The following PLXDC2 variants were observed in gnomAD, a reference collection of about 807,000 sequenced individuals.
PLXDC2 encodes the protein plexin domain-containing protein 2.
PLXDC2 carries 40 observed loss-of-function variants against 68.9 expected under a neutral mutation model. The ratio of observed to expected loss-of-function variants is 0.58; its 90% confidence interval spans 0.45 to 0.76. The LOEUF is 0.76. Among genes scored for constraint, PLXDC2 ranks in the 30% least tolerant of loss-of-function variants. The pLI is 0.00. For missense variants in PLXDC2, 644 were observed against 661.9 expected (o/e 0.97, Z 0.30); for synonymous variants, 243 against 234.2 (o/e 1.04, Z -0.34).
At position 20,126,526 on chromosome 10, in the gene PLXDC2, T is replaced by C. The variant is rs185258147; in HGVS notation, c.542-16769T>C. On this transcript the variant is annotated intron_variant, in intron 4 of 13. Transcript: ENST00000377252. ...GTATATATAACACACACGTTATATA[T>C]GTATATATAACACACACGTTATATA... 1.1e-3 allele frequency among the ~76,000 whole-genome samples: 8 copies of C among 7,370 alleles called. 1 individual carries two copies. Among genetic ancestry groups the C allele is most frequent in the African/African-American group, 2.9e-3 (7 of 2,424 alleles). 4.8% of individuals were successfully genotyped at this position (7,370 alleles called of 152,430 possible).
chr10:20,039,525 A>T (rs951084089), intron 2 of PLXDC2, among the ~76,000 whole-genome samples: 3 of 152,182 alleles, frequency 2.0e-5, no homozygotes, highest in Non-Finnish European at 4.4e-5. Context: ...GATCTATAGT[A>T]TGTTAAAGGA....
chr10:20,274,363 A>T (rs571846183), intron 13 of PLXDC2, among the ~76,000 whole-genome samples: 2 of 152,328 alleles, frequency 1.3e-5, no homozygotes, highest in South Asian at 4.1e-4. Context: ...GTATGTTTTT[A>T]TGTTAACCCT....
chr10:20,230,710 A>AAAAC (rs1564361143), intron 12 of PLXDC2, among the ~76,000 whole-genome samples: 1 of 149,702 alleles, frequency 6.7e-6, no homozygotes, highest in African/African-American at 2.4e-5. Context: ...AAAAAAAAAA[A>AAAAC]AAAACAGGAA....
At chr10:20,189,127 CT>C (rs1834725518) in intron 9 of PLXDC2, among the ~76,000 whole-genome samples, 1 of 76,290 alleles carries the variant, frequency 1.3e-5, no homozygotes, top group South Asian at 3.1e-4. Context: ...TTTTTACCTC[CT>C]TTTAAGCCTT....
chr10:19,964,769 C>T (rs1348294412), intron 1 of PLXDC2, among the ~76,000 whole-genome samples: 1 of 152,096 alleles, frequency 6.6e-6, no homozygotes, highest in Non-Finnish European at 1.5e-5. Context: ...ATCTCCTAAC[C>T]TTAGCAGAGT....
intron 3 of PLXDC2, among the ~76,000 whole-genome samples, chr10:20,060,908 G>A (rs563492307): frequency 1.3e-3 from 201 of 152,276 alleles, no homozygotes; most frequent in Non-Finnish European, 2.5e-3. Context: ...CAAGATGCAG[G>A]ATTTTGGAGC....
chr10:20,062,501 G>A (rs942996682), intron 3 of PLXDC2, among the ~76,000 whole-genome samples: 3 of 152,058 alleles, frequency 2.0e-5, no homozygotes, highest in African/African-American at 4.8e-5. Flanking sequence ...CAGTTACTAA[G>A]TACCAAAGCT....
intron 1 of PLXDC2, among the ~76,000 whole-genome samples, chr10:19,818,816 T>C (rs898451518): frequency 1.3e-5 from 2 of 152,158 alleles, no homozygotes; most frequent in African/African-American, 2.4e-5. Context: ...ATTCACGGTA[T>C]GAATAGATGC....
chr10:20,067,408 G>A lies in PLXDC2; in HGVS notation c.472-762G>A, dbSNP rs925134146. ...ACATGAAAATGTCTGCAGGTCAGCC[G>A]GGCATGGTGGCTCACGCCTGTAATC... On this transcript the variant is annotated intron_variant, in intron 3 of 13. Transcript: ENST00000377252. Among the ~76,000 whole-genome samples, 7 of 152,090 alleles carry A rather than the reference G, an allele frequency of 4.6e-5. 1 individual carries two copies. The highest frequency in any genetic ancestry group is 9.7e-5 in the African/African-American group (4 of 41,426).
chr10:19,841,890 T>C (rs920315167), intron 1 of PLXDC2, among the ~76,000 whole-genome samples: 4 of 152,150 alleles, frequency 2.6e-5, no homozygotes, highest in African/African-American at 9.7e-5. Flanking sequence ...ATGTTTATAA[T>C]GTAAGTAGTA....
At chr10:20,036,861 G>A (rs985023368) in intron 2 of PLXDC2, among the ~76,000 whole-genome samples, 1 of 152,130 alleles carries the variant, frequency 6.6e-6, no homozygotes, top group Non-Finnish European at 1.5e-5. Context: ...CAACTTTGGG[G>A]CCAATCTACA....
At chr10:20,028,175 A>G (rs1029775429) in intron 2 of PLXDC2, among the ~76,000 whole-genome samples, 7 of 152,172 alleles carry the variant, frequency 4.6e-5, no homozygotes, top group African/African-American at 1.4e-4. Context: ...AGCGGTTCTC[A>G]GACTGGTCTG....
intron 3 of PLXDC2, among the ~76,000 whole-genome samples, chr10:20,061,487 A>C (rs1340299949): frequency 6.6e-6 from 1 of 152,138 alleles, no homozygotes; most frequent in African/African-American, 2.4e-5. Flanking sequence ...ATGTCTCATT[A>C]GTGGTGAGGT....
chr10:20,074,440 T>G (rs969186796), intron 4 of PLXDC2, among the ~76,000 whole-genome samples: 1 of 152,126 alleles, frequency 6.6e-6, no homozygotes, highest in African/African-American at 2.4e-5. Flanking sequence ...AAAAAATACC[T>G]TACTTTTTGA....
chr10:19,999,854 G>A (rs1834904461), intron 1 of PLXDC2, among the ~76,000 whole-genome samples: 1 of 152,134 alleles, frequency 6.6e-6, no homozygotes, highest in African/African-American at 2.4e-5. Flanking sequence ...ACATTCTCAG[G>A]AAAAGCTGTC....
chr10:19,883,179 G>A (rs1264996016), intron 1 of PLXDC2, among the ~76,000 whole-genome samples: 1 of 151,950 alleles, frequency 6.6e-6, no homozygotes, highest in African/African-American at 2.4e-5. Flanking sequence ...AGCCAGGATG[G>A]TCTCGATCTC....
intron 9 of PLXDC2, among the ~76,000 whole-genome samples, chr10:20,205,887 AAC>A (rs1241141195): frequency 6.6e-6 from 1 of 152,100 alleles, no homozygotes; most frequent in Non-Finnish European, 1.5e-5. Context: ...TATATTGCAC[AAC>A]ACAGTGAGTA....
At chr10:19,844,915 CA>C (rs1290141739) in intron 1 of PLXDC2, among the ~76,000 whole-genome samples, 2 of 152,102 alleles carry the variant, frequency 1.3e-5, no homozygotes, top group African/African-American at 2.4e-5. Context: ...TTATGATGGC[CA>C]AAATTCACAG....
At chr10:19,858,712 T>A (rs561456784) in intron 1 of PLXDC2, among the ~76,000 whole-genome samples, 1 of 152,086 alleles carries the variant, frequency 6.6e-6, no homozygotes, top group African/African-American at 2.4e-5. Flanking sequence ...AGTATTTGCA[T>A]TGTAGAGTGG....
Sources: gnomAD v4.1 joint callset for allele counts (sites outside exome capture counted in the v4.1 genomes callset) on GRCh38, gnomAD v4.1.1 for gene constraint, MANE v1.5 for transcripts, NCBI Gene and HGNC (gene_info 2026-07-23, HGNC 2026-07-21) for gene names.